PHF14: variants seen among roughly 807,000 people sequenced by gnomAD.
PHF14 encodes the protein PHD finger protein 14.
PHF14 carries 55 observed loss-of-function variants against 117.9 expected under a neutral mutation model. The ratio of observed to expected loss-of-function variants is 0.47; its 90% CI spans 0.38 to 0.58. PHF14 has a LOEUF of 0.58. PHF14 is among the 20% of genes least tolerant of loss of function. PHF14 has a pLI of 0.00. For synonymous variants in PHF14, 409 were observed against 368.6 expected, an observed-to-expected ratio of 1.11 and a Z score of -1.26; for missense variants, 978 against 1,122.2, an observed-to-expected ratio of 0.87 and a Z score of 1.84.
chr7:11,069,090 A>G (rs1157368168), intron 16 of PHF14, among the ~76,000 whole-genome samples: 2 of 152,178 alleles, frequency 1.3e-5, no homozygotes, highest in Non-Finnish European at 2.9e-5. Flanking sequence ...TTATTTTCTT[A>G]TTCTGGTAGC....
intron 17 of PHF14, among the ~76,000 whole-genome samples, chr7:11,166,580 G>A (rs530901783): frequency 6.6e-5 from 10 of 152,202 alleles, no homozygotes; most frequent in East Asian, 3.9e-4. Context: ...GACTTCCCTA[G>A]AGCTTTATTA....
At chr7:11,040,986 G>A (rs755693701) in intron 12 of PHF14, among the ~76,000 whole-genome samples, 2 of 151,986 alleles carry the variant, frequency 1.3e-5, no homozygotes, top group African/African-American at 2.4e-5. Flanking sequence ...CTATGGAAAT[G>A]AGCAGTACCC....
At chr7:11,107,783 T>G (rs1224042704) in intron 16 of PHF14, 3 of 869,626 alleles carry the variant, frequency 3.4e-6, no homozygotes, top group Non-Finnish European at 4.1e-6. Flanking sequence ...TCTGAAAAAG[T>G]TTTTTAAAAC....
intron 17 of PHF14, among the ~76,000 whole-genome samples, chr7:11,114,209 A>C (rs552509388): frequency 3.3e-5 from 5 of 152,194 alleles, no homozygotes; most frequent in African/African-American, 1.2e-4. Context: ...TTGACTCCCT[A>C]TTTGTTTTGC....
intron 14 of PHF14, among the ~76,000 whole-genome samples, chr7:11,053,822 T>C (rs1435612170): frequency 1.3e-5 from 2 of 152,086 alleles, no homozygotes; most frequent in Admixed American, 6.6e-5. Context: ...CCTAGAATTA[T>C]AAGGAAGCTT....
At chr7:11,155,754 T>C (rs1788824074) in intron 17 of PHF14, among the ~76,000 whole-genome samples, 1 of 152,182 alleles carries the variant, frequency 6.6e-6, no homozygotes, top group Non-Finnish European at 1.5e-5. Flanking sequence ...GTCTGTCTTA[T>C]ATACAATGTT....
At chr7:11,134,291 A>G (rs1055982555) in intron 17 of PHF14, among the ~76,000 whole-genome samples, 6 of 152,020 alleles carry the variant, frequency 3.9e-5, no homozygotes, top group African/African-American at 9.7e-5. Context: ...TTTAAAAGAT[A>G]TATCTTTAAA....
At chr7:11,028,923 CT>C in intron 7 of PHF14, 105 bp downstream of exon 7, 1 of 938,230 alleles carries the variant, frequency 1.1e-6, no homozygotes, top group African/African-American at 1.7e-5. Flanking sequence ...AACATTTATT[CT>C]TAAAGTTCTT....
Position 11,118,311 on chromosome 7 carries a change from G to A in PHF14, c.2772+6844G>A, listed in dbSNP as rs535014055. On this transcript the variant is annotated intron_variant, in intron 17 of 17. Coordinates refer to ENST00000634607, the MANE Select transcript of PHF14 (RefSeq NM_001007157.2). ...CCTCTTTCCTGGTGGGTGGGATAAA[G>A]CCCACAGATTTCCAGTTGATCCTCT... Among the ~76,000 whole-genome samples the A allele has an allele frequency of 4.6e-5, 7 of 151,904 alleles. No individual in the cohort carries two copies. In the East Asian group the frequency reaches 1.2e-3, roughly 25 times the overall value.
intron 5 of PHF14, among the ~76,000 whole-genome samples, chr7:11,016,720 A>G (rs529423331): frequency 6.6e-6 from 1 of 152,306 alleles, no homozygotes; most frequent in East Asian, 1.9e-4. Context: ...TTTCTCAAAC[A>G]CTTGTCTTTT....
chr7:11,071,166 C>A, intron 16 of PHF14: 1 of 436,500 alleles, frequency 2.3e-6, no homozygotes, highest in Non-Finnish European at 4.6e-6. Flanking sequence ...TAATCTCTTT[C>A]AATCTCACTT....
intron 4 of PHF14, among the ~76,000 whole-genome samples, chr7:11,011,211 G>T (rs535322210): frequency 6.6e-6 from 1 of 152,248 alleles, no homozygotes; most frequent in East Asian, 1.9e-4. Flanking sequence ...TTTACTAATT[G>T]TATATGGCTC....
chr7:10,977,107 T>C (rs1177541931), intron 2 of PHF14, among the ~76,000 whole-genome samples: 1 of 152,006 alleles, frequency 6.6e-6, no homozygotes, highest in Non-Finnish European at 1.5e-5. Flanking sequence ...ATCTTTTCTG[T>C]GCCTGAGATA....
At chr7:11,104,079 A>G (rs2128341960) in intron 16 of PHF14, 2 of 984,824 alleles carry the variant, frequency 2.0e-6, no homozygotes, top group Middle Eastern at 5.2e-4. Flanking sequence ...CCCTCTTTTA[A>G]TATTTAGTGA....
At chr7:11,038,902 A>T in intron 11 of PHF14, 47 bp downstream of exon 11, 1 of 853,014 alleles carries the variant, frequency 1.2e-6, no homozygotes, top group Non-Finnish European at 1.8e-6. Flanking sequence ...TGCTCCCTAT[A>T]TGATTTTCAA....
chr7:11,019,483 C>G (rs1783652493), intron 5 of PHF14, among the ~76,000 whole-genome samples: 1 of 152,116 alleles, frequency 6.6e-6, no homozygotes, highest in Non-Finnish European at 1.5e-5. Context: ...TTGTATGTGT[C>G]TAGGAGTTCA....
chr7:11,078,880 T>C (rs1308850142), intron 16 of PHF14, among the ~76,000 whole-genome samples: 1 of 152,144 alleles, frequency 6.6e-6, no homozygotes, highest in Admixed American at 6.5e-5. Flanking sequence ...ACAAAGTAAA[T>C]TGAGCTTTTA....
At chr7:10,979,972 A>T (rs1338475769) in intron 2 of PHF14, among the ~76,000 whole-genome samples, 1 of 152,114 alleles carries the variant, frequency 6.6e-6, no homozygotes, top group Non-Finnish European at 1.5e-5. Flanking sequence ...AACATTAAAA[A>T]TTTTTTAAAA....
chr7:10,991,856 T>G (rs1782467069), intron 4 of PHF14, among the ~76,000 whole-genome samples: 1 of 148,270 alleles, frequency 6.7e-6, no homozygotes, highest in South Asian at 2.1e-4. Flanking sequence ...CCTCGGCCTC[T>G]CAAAGTGCTG....
Sources: allele counts gnomAD v4.1 joint callset (sites outside exome capture counted in the v4.1 genomes callset), GRCh38; gene constraint gnomAD v4.1.1; transcripts MANE v1.5; gene names NCBI Gene and HGNC (gene_info 2026-07-23, HGNC 2026-07-21).